NECAB1: variants seen among roughly 807,000 people sequenced by gnomAD.
NECAB1 encodes the protein N-terminal EF-hand calcium binding protein 1.
Under a neutral mutation model 57.5 loss-of-function variants are expected in NECAB1, and 29 were observed. The ratio of observed to expected loss-of-function variants is 0.50; its 90% CI spans 0.38 to 0.69. The LOEUF is 0.69. NECAB1 is among the 30% of genes least tolerant of loss of function. The pLI is 0.00. For synonymous variants in NECAB1, 142 were observed against 147.7 expected, an observed-to-expected ratio of 0.96 and a Z score of 0.28; for missense variants, 372 against 413.8, an observed-to-expected ratio of 0.90 and a Z score of 0.88.
At chr8:90,913,042 A>AC (rs1338956033) in intron 5 of NECAB1, among the ~76,000 whole-genome samples, 2 of 152,272 alleles carry the variant, frequency 1.3e-5, no homozygotes, top group East Asian at 3.9e-4. Context: ...GATGTCACTG[A>AC]CTTGATTGAT....
At chr8:90,860,238 C>CTTTTTTTTT (rs34293565) in intron 3 of NECAB1, among the ~76,000 whole-genome samples, 2 of 136,882 alleles carry the variant, frequency 1.5e-5, no homozygotes, top group Non-Finnish European at 3.2e-5. Context: ...TCTTTTTTTT[C>CTTTTTTTTT]TTTTTTTTTT....
At chr8:90,950,756 CT>C (rs1280415373) in intron 11 of NECAB1, among the ~76,000 whole-genome samples, 1 of 152,054 alleles carries the variant, frequency 6.6e-6, no homozygotes, top group East Asian at 1.9e-4. Context: ...TTTCACATAG[CT>C]TTTTAGATTT....
rs573737841 is a variant in NECAB1 at position 90,958,942 on chromosome 8, G to A, written c.*3430G>A. The A allele has an allele frequency of 3.4e-5, 33 of 961,526 alleles. No individual in the cohort carries two copies. The African/African-American group carries it at 4.4e-4, about 13-fold the overall frequency. 59.6% of individuals were successfully genotyped at this position (961,526 alleles called of 1,614,324 possible). A position where few individuals can be genotyped will look rare whatever the true frequency, so the allele number is the denominator to read the frequency against. On this transcript the variant is annotated 3_prime_UTR_variant, in exon 13 of 13. Coordinates refer to ENST00000417640, the MANE Select transcript of NECAB1 (RefSeq NM_022351.5). ...AATTGAATTGTCACAGTCCATTACA[G>A]TTATTGTTGCTAGATCCACCTCATT...
At chr8:90,937,811 T>A (rs1184973905) in intron 9 of NECAB1, among the ~76,000 whole-genome samples, 1 of 152,316 alleles carries the variant, frequency 6.6e-6, no homozygotes, top group East Asian at 1.9e-4. Flanking sequence ...CAAACCTAGT[T>A]TTTTTCTGCC....
intron 1 of NECAB1, among the ~76,000 whole-genome samples, chr8:90,795,399 A>G (rs61163578): frequency 6.6e-6 from 1 of 152,016 alleles, no homozygotes; most frequent in East Asian, 1.9e-4. Context: ...AAAGAGGGAA[A>G]GAGGCTGGAA....
intron 2 of NECAB1, among the ~76,000 whole-genome samples, chr8:90,824,455 G>A (rs1234450624): frequency 2.6e-5 from 4 of 151,830 alleles, no homozygotes; most frequent in African/African-American, 9.7e-5. Context: ...TTCATTAAAT[G>A]TTAAATGTTT....
intron 5 of NECAB1, among the ~76,000 whole-genome samples, chr8:90,897,142 CA>C (rs1809375936): frequency 6.6e-6 from 1 of 152,186 alleles, no homozygotes; most frequent in Non-Finnish European, 1.5e-5. Context: ...TCTTCAATTA[CA>C]AGCCAAATTA....
chr8:90,792,392 C>T (rs1811590982), intron 1 of NECAB1, among the ~76,000 whole-genome samples: 2 of 152,214 alleles, frequency 1.3e-5, no homozygotes, highest in Non-Finnish European at 2.9e-5. Context: ...TCTCAAGCAA[C>T]CCAGCCAGGG....
In NECAB1 at chr8:90,791,776, T is replaced by A; in HGVS notation, c.-111T>A. 1.2e-6 allele frequency: 1 copy of A among 804,136 alleles called. No homozygotes were observed. The highest frequency in any genetic ancestry group is 2.0e-6 in the Non-Finnish European group (1 of 510,626). 49.8% of individuals were successfully genotyped at this position (804,136 alleles called of 1,614,324 possible). On this transcript the variant is annotated 5_prime_UTR_variant, in exon 1 of 13. Transcript: ENST00000417640. ...GAGGCGCGCGCGGGAGCGAACACCCTCCCGGATCCAGAGCCCGGCGGCGGC... is the reference window on the plus strand; with the variant it reads ...GAGGCGCGCGCGGGAGCGAACACCCACCCGGATCCAGAGCCCGGCGGCGGC...
In NECAB1 at chr8:90,955,112, T is replaced by TTAATTATATA. The variant is rs1234665098; in HGVS notation, c.1031-373_1031-372insATTATATATA. Reference sequence around the variant, plus strand: ...ATTTCATAAATATTGGGTATATAAATTATATATATATATATATATATATAT... The same window carrying TTAATTATATA: ...ATTTCATAAATATTGGGTATATAAATTAATTATATATATATATATATATATATATATATAT... On this transcript the variant is annotated intron_variant, in intron 12 of 12. Transcript: ENST00000417640. Among the ~76,000 whole-genome samples, 137 of 70,804 alleles carry TTAATTATATA rather than the reference T, an allele frequency of 1.9e-3. 4 individuals are homozygous for TTAATTATATA. The highest frequency in any genetic ancestry group is 6.1e-3 in the African/African-American group (130 of 21,218). 46.5% of individuals were successfully genotyped at this position (70,804 alleles called of 152,430 possible).
intron 2 of NECAB1, chr8:90,812,967 T>C (rs1458725858): frequency 6.6e-6 from 1 of 151,930 alleles, no homozygotes; most frequent in Non-Finnish European, 1.5e-5. Context: ...GGCAGGCGGA[T>C]CACGAGGTCA....
chr8:90,792,372 T>C (rs1186193118), intron 1 of NECAB1, among the ~76,000 whole-genome samples: 1 of 152,170 alleles, frequency 6.6e-6, no homozygotes, highest in Non-Finnish European at 1.5e-5. Context: ...GCCTTCACAC[T>C]CGTGGATGCT....
chr8:90,827,278 G>A (rs1812240832), intron 3 of NECAB1, among the ~76,000 whole-genome samples: 1 of 151,986 alleles, frequency 6.6e-6, no homozygotes, highest in Non-Finnish European at 1.5e-5. Flanking sequence ...CAAGAGTACA[G>A]CCTGGCCTGA....
intron 3 of NECAB1, among the ~76,000 whole-genome samples, chr8:90,834,486 T>G (rs1003906853): frequency 6.6e-6 from 1 of 152,158 alleles, no homozygotes; most frequent in Non-Finnish European, 1.5e-5. Context: ...CTTCCACTTA[T>G]GTAAGGATAC....
intron 9 of NECAB1, among the ~76,000 whole-genome samples, chr8:90,935,367 C>T (rs112873653): frequency 2.6e-5 from 4 of 152,230 alleles, no homozygotes; most frequent in Admixed American, 6.5e-5. Context: ...GTTATGAATA[C>T]TTTACCCCGA....
At chr8:90,804,406 T>A (rs1811814229) in intron 2 of NECAB1, among the ~76,000 whole-genome samples, 2 of 151,444 alleles carry the variant, frequency 1.3e-5, no homozygotes, top group African/African-American at 2.4e-5. Flanking sequence ...GGGTACAAAG[T>A]TTCAGGAGGA....
At chr8:90,886,678 C>T (rs1466476782) in intron 5 of NECAB1, among the ~76,000 whole-genome samples, 1 of 152,006 alleles carries the variant, frequency 6.6e-6, no homozygotes, top group African/African-American at 2.4e-5. Flanking sequence ...AGCCACAGCA[C>T]CTGTCTTGAT....
chr8:90,845,686 C>T (rs1454614500), intron 3 of NECAB1, among the ~76,000 whole-genome samples: 1 of 152,104 alleles, frequency 6.6e-6, no homozygotes, highest in Non-Finnish European at 1.5e-5. Context: ...TAATATTTGT[C>T]ACCAGAAAAA....
At chr8:90,827,023 C>T (rs572527092) in intron 3 of NECAB1, among the ~76,000 whole-genome samples, 3 of 151,786 alleles carry the variant, frequency 2.0e-5, no homozygotes, top group African/African-American at 7.2e-5. Context: ...TCCTTTTTTT[C>T]TTAAGAAGGG....
Sources: gnomAD v4.1 joint callset for allele counts (sites outside exome capture counted in the v4.1 genomes callset) on GRCh38, gnomAD v4.1.1 for gene constraint, MANE v1.5 for transcripts, NCBI Gene and HGNC (gene_info 2026-07-23, HGNC 2026-07-21) for gene names.